PIEZO2: variants seen among roughly 807,000 people sequenced by gnomAD.
PIEZO2 encodes the protein piezo-type mechanosensitive ion channel component 2.
Under a neutral mutation model 337.3 loss-of-function variants are expected in PIEZO2, and 172 were observed. The ratio of observed to expected loss-of-function variants is 0.51; its 90% CI spans 0.45 to 0.58. The LOEUF (loss-of-function observed/expected upper bound fraction) is 0.58, where lower values mean the gene tolerates loss of function less well. Among genes scored for constraint, PIEZO2 ranks in the 20% least tolerant of loss-of-function variants. PIEZO2 has a pLI of 0.00. For missense variants in PIEZO2, 3,028 were observed against 3,391.3 expected (o/e 0.89, Z 2.66); for synonymous variants, 1,251 against 1,228.5 (o/e 1.02, Z -0.38).
chr18:10,931,816 T>TA (rs2145195158), intron 3 of PIEZO2, among the ~76,000 whole-genome samples: 1 of 152,242 alleles, frequency 6.6e-6, no homozygotes, highest in Non-Finnish European at 1.5e-5. Flanking sequence ...CCCATATTCC[T>TA]AAAAAATACA....
rs1345775733 is a variant in PIEZO2, at chr18:10,787,150, T to C, written c.2204A>G (p.Tyr735Cys). The C allele has an allele frequency of 9.8e-6, 15 of 1,532,824 alleles. No individual in the cohort carries two copies. Among genetic ancestry groups the C allele is most frequent in the Non-Finnish European group, 1.2e-5 (14 of 1,145,732 alleles). The allele number at this position is 1,532,824 out of a possible 1,614,324, so 95.0% of individuals were successfully genotyped here. ...GTAAATAACCACTGACATCCAAAAA[T>C]ATTTTAGAATTTTCCTCCACCATTC... is the stretch of plus-strand genomic sequence containing the variant. The part of the protein sequence containing the change: ...HYEWWRKILK[Y>C]FWMSVVIYTM... The change falls in exon 16 of 56, where the codon TAT becomes TGT. Residue 735 changes from tyrosine to cysteine, a missense_variant. Physicochemically the swap from Tyr to Cys is radical, Grantham distance 194. Around this residue, in one of 5 missense-constraint regions of PIEZO2, gnomAD observed 1,925 missense variants for 2,051.9 expected, o/e 0.94. Coordinates refer to ENST00000674853, the MANE Select transcript of PIEZO2 (RefSeq NM_001378183.1).
At chr18:11,122,842 C>T (rs1056169867) in intron 1 of PIEZO2, among the ~76,000 whole-genome samples, 4 of 151,766 alleles carry the variant, frequency 2.6e-5, no homozygotes, top group South Asian at 2.1e-4. Context: ...GCAAACAAGA[C>T]GACAAGTCTT....
At chr18:10,684,266 C>A (rs9966045) in intron 49 of PIEZO2, among the ~76,000 whole-genome samples, 1 of 142,270 alleles carries the variant, frequency 7.0e-6, no homozygotes. Context: ...CCTGGGTTCA[C>A]GCCATTCTCC....
chr18:10,833,404 T>C lies in PIEZO2; in HGVS notation c.917+21949A>G, dbSNP rs151264946. Among the ~76,000 whole-genome samples, 1,489 of 152,272 alleles carry C rather than the reference T, an allele frequency of 9.8e-3. 30 individuals carry two copies. The highest frequency in any genetic ancestry group is 0.034 in the African/African-American group (1,402 of 41,562). ...CTGTTGGAATCATGTGGGGATCTTC[T>C]AAAGCACTAACACTGGGCCCTGCCC... On this transcript the variant is annotated intron_variant, in intron 7 of 55. Coordinates refer to ENST00000674853, the MANE Select transcript of PIEZO2 (RefSeq NM_001378183.1). The surrounding 1 kb of genome is among the most constrained non-coding windows in gnomAD (Gnocchi z 4.7).
rs189427059 is a variant in PIEZO2 at position 10,865,297 on chromosome 18, T to C, written c.492+5956A>G. Among the ~76,000 whole-genome samples, 122 of 152,282 alleles carry C rather than the reference T, an allele frequency of 8.0e-4. 1 individual carries two copies. Among genetic ancestry groups the C allele is most frequent in the Non-Finnish European group, 1.3e-3 (89 of 68,026 alleles). ...GGAAGTGGCATAATTTAATTTTAAT[T>C]ATACAAGAATAATCCAGATGCTGTG... On this transcript the variant is annotated intron_variant, in intron 5 of 55. Coordinates refer to ENST00000674853, the MANE Select transcript of PIEZO2 (RefSeq NM_001378183.1).
At chr18:11,039,392 A>G (rs535970949) in intron 2 of PIEZO2, among the ~76,000 whole-genome samples, 1 of 152,342 alleles carries the variant, frequency 6.6e-6, no homozygotes, top group African/African-American at 2.4e-5. Context: ...TATTAGAGAC[A>G]TCGTTTGAAC....
rs1037425329 is a variant in PIEZO2, at chr18:11,078,068, C to T, written c.65-11846G>A. Among the ~76,000 whole-genome samples the T allele has an allele frequency of 6.7e-6, 1 of 148,958 alleles. No homozygotes were observed. The highest frequency in any genetic ancestry group is 1.5e-5 in the Non-Finnish European group (1 of 66,938). On this transcript the variant is annotated intron_variant, in intron 1 of 55. Transcript: ENST00000674853. This position sits in a 1 kb window ranked among gnomAD's most constrained non-coding sequence, Gnocchi z 5.3. Reference sequence around the variant, plus strand: ...CACCCACACACACACACACACACACCACACACACAAAAACAAACATACACA... The same window carrying T: ...CACCCACACACACACACACACACACTACACACACAAAAACAAACATACACA...
In PIEZO2 at chr18:10,759,359, CA is replaced by C; in HGVS notation, c.3757+122del. 1 of 806,586 alleles carries C rather than the reference CA, an allele frequency of 1.2e-6. No individual in the cohort carries two copies. Among genetic ancestry groups the C allele is most frequent in the South Asian group, 1.7e-5 (1 of 58,118 alleles). The allele number at this position is 806,586 out of a possible 1,614,324, so 50.0% of individuals were successfully genotyped here. ...TGACTTGTGATATTAATGCATAAGA[CA>C]AGCCTTTACATGATTACGAAGTCTA... is the stretch of plus-strand genomic sequence containing the variant. On this transcript the variant is annotated intron_variant, in intron 26 of 55. Coordinates refer to ENST00000674853, the MANE Select transcript of PIEZO2 (RefSeq NM_001378183.1). The surrounding 1 kb of genome is among the most constrained non-coding windows in gnomAD (Gnocchi z 5.5).
intron 2 of PIEZO2, among the ~76,000 whole-genome samples, chr18:11,030,618 C>A (rs1169039745): frequency 1.3e-5 from 2 of 152,130 alleles, no homozygotes; most frequent in African/African-American, 4.8e-5. Context: ...GTCAGCTTGG[C>A]TCGTGCTCCA....
chr18:10,799,726 A>T (rs2039738469), intron 11 of PIEZO2, among the ~76,000 whole-genome samples: 1 of 152,212 alleles, frequency 6.6e-6, no homozygotes, highest in Non-Finnish European at 1.5e-5. Context: ...TAGTCCTAGC[A>T]GTTTGGTAGG....
In PIEZO2 at chr18:10,870,170, C is replaced by T. The variant is rs1315533497; in HGVS notation, c.492+1083G>A. On this transcript the variant is annotated intron_variant, in intron 5 of 55. Transcript: ENST00000674853. This position sits in a 1 kb window ranked among gnomAD's most constrained non-coding sequence, Gnocchi z 5.3. ...GGATTACAGGTCTGAGCCACAGTGCCTGGCTAGACAATATCATTTCTAGTT... is the reference window on the plus strand; with the variant it reads ...GGATTACAGGTCTGAGCCACAGTGCTTGGCTAGACAATATCATTTCTAGTT... 6.6e-6 allele frequency among the ~76,000 whole-genome samples: 1 copy of T among 152,214 alleles called. No individual in the cohort carries two copies. Among genetic ancestry groups the T allele is most frequent in the African/African-American group, 2.4e-5 (1 of 41,460 alleles).
At chr18:10,986,885 A>G (rs915332989) in intron 2 of PIEZO2, among the ~76,000 whole-genome samples, 3 of 152,030 alleles carry the variant, frequency 2.0e-5, no homozygotes, top group Non-Finnish European at 4.4e-5. Flanking sequence ...AACGAAATCA[A>G]TGTATAAAAA....
Position 10,862,060 on chromosome 18 carries a change from ATAGT to A in PIEZO2, c.493-4853_493-4850del, listed in dbSNP as rs559283090. 1.4e-4 allele frequency among the ~76,000 whole-genome samples: 22 copies of A among 152,206 alleles called. No individual in the cohort carries two copies. The South Asian group carries it at 4.4e-3, about 30-fold the overall frequency. ...ATAAAACAAAATAATAAAAAATAAA[ATAGT>A]TAAGAGAGGATGTTAATGTCCTCAA... On this transcript the variant is annotated intron_variant, in intron 5 of 55. Coordinates refer to ENST00000674853, the MANE Select transcript of PIEZO2 (RefSeq NM_001378183.1). The surrounding 1 kb of genome is among the most constrained non-coding windows in gnomAD (Gnocchi z 4.4).
At chr18:11,004,596 C>T (rs930310400) in intron 2 of PIEZO2, among the ~76,000 whole-genome samples, 5 of 152,100 alleles carry the variant, frequency 3.3e-5, no homozygotes, top group Non-Finnish European at 7.4e-5. Context: ...GCAAAATAAA[C>T]CAATAATATA....
chr18:11,017,115 G>T (rs1006357209), intron 2 of PIEZO2, among the ~76,000 whole-genome samples: 14 of 151,628 alleles, frequency 9.2e-5, no homozygotes, highest in Admixed American at 5.2e-4. Flanking sequence ...TTAACTTTGA[G>T]ATTTTTCAAA....
Position 10,856,567 on chromosome 18 carries a change from A to G in PIEZO2, c.703+434T>C, listed in dbSNP as rs987327947. ...ATTACAATCTAACTTAGGAAGAAAA[A>G]TAGTCTATCCTGGAGAGTTATATTA... On this transcript the variant is annotated intron_variant, in intron 6 of 55. Transcript: ENST00000674853. This position sits in a 1 kb window ranked among gnomAD's most constrained non-coding sequence, Gnocchi z 4.7. Among the ~76,000 whole-genome samples, 1 of 152,178 alleles carries G rather than the reference A, an allele frequency of 6.6e-6. No homozygotes were observed. The highest frequency in any genetic ancestry group is 1.5e-5 in the Non-Finnish European group (1 of 68,032).
intron 4 of PIEZO2, among the ~76,000 whole-genome samples, chr18:10,901,642 T>C (rs2043051700): frequency 6.6e-6 from 1 of 152,208 alleles, no homozygotes; most frequent in African/African-American, 2.4e-5. Context: ...TAAACTAGTG[T>C]GGTGCCAACA....
chr18:11,051,872 T>C (rs929116034), intron 2 of PIEZO2, among the ~76,000 whole-genome samples: 4 of 152,252 alleles, frequency 2.6e-5, no homozygotes, highest in Admixed American at 6.5e-5. Context: ...GAAGCATCTA[T>C]GCCAGCTTTG....
Position 10,855,841 on chromosome 18 carries a change from A to G in PIEZO2, c.704-275T>C, listed in dbSNP as rs1027801348. On this transcript the variant is annotated intron_variant, in intron 6 of 55. Transcript: ENST00000674853. This position sits in a 1 kb window ranked among gnomAD's most constrained non-coding sequence, Gnocchi z 4.9. ...TGGCGTCTGAACTAAGTAAATGTCTACTTTTCATACCAGTAGCATCTGCAT... is the reference window on the plus strand; with the variant it reads ...TGGCGTCTGAACTAAGTAAATGTCTGCTTTTCATACCAGTAGCATCTGCAT... 1.3e-5 allele frequency among the ~76,000 whole-genome samples: 2 copies of G among 152,156 alleles called. No individual in the cohort carries two copies. Among genetic ancestry groups the G allele is most frequent in the African/African-American group, 4.8e-5 (2 of 41,440 alleles).
Sources: allele counts gnomAD v4.1 joint callset (sites outside exome capture counted in the v4.1 genomes callset), GRCh38; gene constraint gnomAD v4.1.1; regional missense constraint gnomAD v4.1.1; non-coding constraint Gnocchi (gnomAD v3.1); transcripts MANE v1.5; gene names NCBI Gene and HGNC (gene_info 2026-07-23, HGNC 2026-07-21).